Variants in PCDHGB2 observed in about 807,000 individuals in gnomAD.
PCDHGB2 encodes the protein protocadherin gamma subfamily B, 2.
In PCDHGB2, 55 loss-of-function variants were observed where a neutral mutation model predicts 59.3. The ratio of observed to expected loss-of-function variants is 0.93; its 90% CI spans 0.75 to 1.16. The LOEUF (loss-of-function observed/expected upper bound fraction) is 1.16. Among genes scored for constraint, PCDHGB2 ranks in the 50% most tolerant of loss-of-function variants. PCDHGB2 has a pLI of 0.00. For synonymous variants in PCDHGB2, 516 were observed against 512.0 expected (o/e 1.01, Z -0.11); for missense variants, 1,228 against 1,198.5 (o/e 1.02, Z -0.36).
At chr5:141,430,425 A>G (rs1298131518) in intron 1 of PCDHGB2, among the ~76,000 whole-genome samples, 3 of 152,076 alleles carry the variant, frequency 2.0e-5, no homozygotes, top group Non-Finnish European at 4.4e-5. Context: ...TAAAGCGAAT[A>G]CGGTAGATTT....
At chr5:141,427,901 G>T in intron 1 of PCDHGB2, 1 of 1,572,232 alleles carries the variant, frequency 6.4e-7, no homozygotes. Flanking sequence ...GCTCGCCCGC[G>T]CTCAGCGCCA....
At chr5:141,504,462 G>A (rs1375731108) in intron 2 of PCDHGB2, among the ~76,000 whole-genome samples, 5 of 152,074 alleles carry the variant, frequency 3.3e-5, no homozygotes, top group African/African-American at 9.7e-5. Flanking sequence ...TGGGGCAGCC[G>A]CTGGGATGGG....
chr5:141,414,540 C>G, intron 1 of PCDHGB2: 1 of 1,613,948 alleles, frequency 6.2e-7, no homozygotes. Flanking sequence ...ACCCACCTAC[C>G]TTCTCTCAAG....
At position 141,371,231 on chromosome 5, in the gene PCDHGB2, T is replaced by C. The variant is rs770415345; in HGVS notation, c.2421+8675T>C. 5.6e-6 allele frequency: 9 copies of C among 1,613,934 alleles called. No homozygotes were observed. In the African/African-American group the frequency reaches 6.7e-5, roughly 12 times the overall value. ...AGGGCATCAATGCCGAAATCATCTA[T>C]GCCTTCATCAATATTGGCAAGGAAG... On this transcript the variant is annotated intron_variant, in intron 1 of 3. Coordinates refer to ENST00000522605, the MANE Select transcript of PCDHGB2 (RefSeq NM_018923.3).
In PCDHGB2 at chr5:141,491,786, C is replaced by T; in HGVS notation, c.2422-3021C>T. The stretch of plus-strand genomic sequence containing the variant: ...CCTCATAAGGGATTGAACTTGCATC[C>T]ACTCCTCTCCGGCCGGCTTGGTCGC... On this transcript the variant is annotated intron_variant, in intron 1 of 3. Coordinates refer to ENST00000522605, the MANE Select transcript of PCDHGB2 (RefSeq NM_018923.3). This position sits in a 1 kb window ranked among gnomAD's most constrained non-coding sequence, Gnocchi z 6.9. The T allele has an allele frequency of 1.3e-6, 2 of 1,529,640 alleles. No individual in the cohort carries two copies. The highest frequency in any genetic ancestry group is 2.5e-5 in the South Asian group (2 of 80,832). The allele number at this position is 1,529,640 out of a possible 1,614,324, so 94.8% of individuals were successfully genotyped here.
chr5:141,398,707 C>T, intron 1 of PCDHGB2: 1 of 1,613,860 alleles, frequency 6.2e-7, no homozygotes, highest in Non-Finnish European at 8.5e-7. Flanking sequence ...ATACCCGGAA[C>T]TGGCACTGGA....
At position 141,485,632 on chromosome 5, in the gene PCDHGB2, G is replaced by C; in HGVS notation, c.2422-9175G>C. 6.2e-7 allele frequency: 1 copy of C among 1,611,766 alleles called. No individual in the cohort carries two copies. The highest frequency in any genetic ancestry group is 8.5e-7 in the Non-Finnish European group (1 of 1,178,342). ...CAGCTCCTCCAGGACAGCGTTTCCC[G>C]TTGGAAAAGGCTCAGGATGCAGATG... is the stretch of plus-strand genomic sequence containing the variant. On this transcript the variant is annotated intron_variant, in intron 1 of 3. Coordinates refer to ENST00000522605, the MANE Select transcript of PCDHGB2 (RefSeq NM_018923.3). This position sits in a 1 kb window ranked among gnomAD's most constrained non-coding sequence, Gnocchi z 5.7.
chr5:141,490,157 G>A lies in PCDHGB2; in HGVS notation c.2422-4650G>A. 6.2e-7 allele frequency: 1 copy of A among 1,614,210 alleles called. No homozygotes were observed. On this transcript the variant is annotated intron_variant, in intron 1 of 3. Transcript: ENST00000522605. The surrounding 1 kb of genome is among the most constrained non-coding windows in gnomAD (Gnocchi z 5.4). ...AGCAGTGGGGCAATCCATGTGTTGG[G>A]TCCCATAGACTTTGAGGAGTCACGT...
chr5:141,455,055 G>T (rs1019622889), intron 1 of PCDHGB2, among the ~76,000 whole-genome samples: 1 of 151,602 alleles, frequency 6.6e-6, no homozygotes, highest in African/African-American at 2.4e-5. Flanking sequence ...CTCGTGATCC[G>T]CCCGCCTCGG....
At chr5:141,396,944 G>A (rs983363091) in intron 1 of PCDHGB2, among the ~76,000 whole-genome samples, 1 of 152,166 alleles carries the variant, frequency 6.6e-6, no homozygotes, top group African/African-American at 2.4e-5. Context: ...GCCCTGGTAG[G>A]AAAGAAAATC....
In PCDHGB2 at chr5:141,485,961, A is replaced by C. The variant is rs766687554; in HGVS notation, c.2422-8846A>C. ...GCACCAGCGGGCATGGTGCTCATCC[A>C]GCTCAATGCCTCAGACCCGGACCTG... On this transcript the variant is annotated intron_variant, in intron 1 of 3. Coordinates refer to ENST00000522605, the MANE Select transcript of PCDHGB2 (RefSeq NM_018923.3). The surrounding 1 kb of genome is among the most constrained non-coding windows in gnomAD (Gnocchi z 5.7). 6.2e-7 allele frequency: 1 copy of C among 1,614,204 alleles called. No homozygotes were observed. The highest frequency in any genetic ancestry group is 1.1e-5 in the South Asian group (1 of 91,090).
intron 1 of PCDHGB2, among the ~76,000 whole-genome samples, chr5:141,480,693 G>C (rs1488899685): frequency 2.6e-5 from 4 of 152,096 alleles, no homozygotes; most frequent in Non-Finnish European, 5.9e-5. Context: ...CTGAAACCCA[G>C]GCCACACCCC....
intron 1 of PCDHGB2, among the ~76,000 whole-genome samples, chr5:141,471,887 G>T (rs1215891997): frequency 6.6e-6 from 1 of 152,152 alleles, no homozygotes; most frequent in African/African-American, 2.4e-5. Context: ...CTGAAGCTAG[G>T]AAGATTGACT....
intron 1 of PCDHGB2, chr5:141,478,843 C>G: frequency 7.2e-7 from 1 of 1,398,442 alleles, no homozygotes; most frequent in South Asian, 1.5e-5. Flanking sequence ...GATGGTTAAG[C>G]TAAAACACAA....
chr5:141,392,640 A>T, intron 1 of PCDHGB2: 1 of 651,284 alleles, frequency 1.5e-6, no homozygotes, highest in Non-Finnish European at 2.5e-6. Context: ...CTCACACCTC[A>T]CGAAGACCCG....
chr5:141,421,092 C>T, intron 1 of PCDHGB2: 1 of 663,988 alleles, frequency 1.5e-6, no homozygotes, highest in Non-Finnish European at 2.5e-6. Flanking sequence ...CAGATCCTGA[C>T]ACTGGAGACT....
chr5:141,477,245 A>G lies in PCDHGB2; in HGVS notation c.2422-17562A>G. On this transcript the variant is annotated intron_variant, in intron 1 of 3. Transcript: ENST00000522605. The surrounding 1 kb of genome is among the most constrained non-coding windows in gnomAD (Gnocchi z 4.9). ...GACTGTCATCGCTTTGCTCAGTGTG[A>G]CTGACCTGGATGCTGGCGAGAACGG... 3.7e-6 allele frequency: 6 copies of G among 1,614,128 alleles called. No homozygotes were observed. The highest frequency in any genetic ancestry group is 5.1e-6 in the Non-Finnish European group (6 of 1,180,026).
intron 2 of PCDHGB2, among the ~76,000 whole-genome samples, chr5:141,498,815 C>T (rs1595543994): frequency 6.6e-6 from 1 of 152,032 alleles, no homozygotes. Flanking sequence ...CACCTGTAGT[C>T]CCAGCTACTC....
rs1177746611 is a variant in PCDHGB2, at chr5:141,361,672, G to A, written c.1537G>A (p.Val513Met). ...CGTGTCCGTGAGCGCGCAGAGCGGGGTGGTGTTCGCGCAGCGCGCCTTCGA... is the reference window on the plus strand; with the variant it reads ...CGTGTCCGTGAGCGCGCAGAGCGGGATGGTGTTCGCGCAGCGCGCCTTCGA... ...SYVSVSAQSG[V>M]VFAQRAFDHE... Residue 513 changes from valine to methionine, a missense_variant, in exon 1 of 4, where the codon GTG (valine) becomes ATG (methionine). By Grantham distance (21) the Val-to-Met change is conservative. This residue lies in a region of PCDHGB2 where 781 missense variants were observed against 721.6 expected (regional missense o/e 1.08). Transcript: ENST00000522605. The A allele has an allele frequency of 1.1e-5, 17 of 1,613,566 alleles. No homozygotes were observed. Among genetic ancestry groups the A allele is most frequent in the Non-Finnish European group, 1.4e-5 (17 of 1,179,918 alleles).
Sources: gnomAD v4.1 joint callset for allele counts (sites outside exome capture counted in the v4.1 genomes callset) on GRCh38, gnomAD v4.1.1 for gene constraint, gnomAD v4.1.1 regional missense constraint, Gnocchi (gnomAD v3.1) non-coding constraint, MANE v1.5 for transcripts, NCBI Gene and HGNC (gene_info 2026-07-23, HGNC 2026-07-21) for gene names.